Variants in UBAP2 observed in about 807,000 individuals in gnomAD.
The protein encoded by UBAP2 is ubiquitin associated protein 2.
Under a neutral mutation model 139.6 loss-of-function variants are expected in UBAP2, and 75 were observed. The ratio of observed to expected loss-of-function variants is 0.54; its 90% CI spans 0.45 to 0.65. UBAP2 has a LOEUF of 0.65. Ranked by LOEUF, UBAP2 falls within the 30% of genes least tolerant of loss-of-function variation. The pLI, the probability that UBAP2 is intolerant of heterozygous loss-of-function variation, is 0.00. For missense variants in UBAP2, 1,368 were observed against 1,369.6 expected, an observed-to-expected ratio of 1.00 and a Z score of 0.02; for synonymous variants, 526 against 526.2, an observed-to-expected ratio of 1.00 and a Z score of 0.01.
In UBAP2 at chr9:33,988,960, A is replaced by G; in HGVS notation, c.442+13T>C. The G allele has an allele frequency of 1.9e-6, 3 of 1,600,632 alleles. No individual in the cohort carries two copies. ...AAAGAAGAGAAAAAACTGAGGAGAAAGTCTGTACTTACATTCTCTGCCACG... is the reference window on the plus strand; with the variant it reads ...AAAGAAGAGAAAAAACTGAGGAGAAGGTCTGTACTTACATTCTCTGCCACG... On this transcript the variant is annotated intron_variant, in intron 5 of 28. Coordinates refer to ENST00000379238, the MANE Select transcript of UBAP2 (RefSeq NM_001370062.2).
intron 17 of UBAP2, 121 bp downstream of exon 17, chr9:33,935,718 A>G: frequency 8.4e-7 from 1 of 1,184,036 alleles, no homozygotes; most frequent in Non-Finnish European, 1.3e-6. Flanking sequence ...AAAAAGCAAA[A>G]GGGCTGCTTT....
chr9:33,970,909 T>C (rs760664542), intron 8 of UBAP2, among the ~76,000 whole-genome samples: 3 of 152,166 alleles, frequency 2.0e-5, no homozygotes, highest in Non-Finnish European at 4.4e-5. Flanking sequence ...TTCAAGCGAT[T>C]CTCCTGTCTC....
chr9:34,003,394 GAC>G (rs1822896137), intron 2 of UBAP2, among the ~76,000 whole-genome samples: 1 of 128,844 alleles, frequency 7.8e-6, no homozygotes, highest in East Asian at 2.3e-4. Flanking sequence ...TTTTTTTTGA[GAC>G]AGTCATGCTC....
At chr9:33,964,974 G>A (rs1405285103) in intron 8 of UBAP2, among the ~76,000 whole-genome samples, 2 of 152,188 alleles carry the variant, frequency 1.3e-5, no homozygotes, top group Admixed American at 6.5e-5. Flanking sequence ...GTAACTCAAT[G>A]TGGCTTTACT....
chr9:34,048,268 G>A (rs927408860), intron 1 of UBAP2, among the ~76,000 whole-genome samples: 9 of 152,202 alleles, frequency 5.9e-5, no homozygotes, highest in Admixed American at 1.3e-4. Context: ...CAGGAACGGC[G>A]GGTGTGGAGG....
intron 4 of UBAP2, among the ~76,000 whole-genome samples, chr9:33,993,862 G>C (rs1297597561): frequency 6.6e-6 from 1 of 151,398 alleles, no homozygotes; most frequent in African/African-American, 2.4e-5. Flanking sequence ...GGTAACCAAA[G>C]AGGTGTTCTT....
chr9:33,960,780 C>CAAAAAA, intron 10 of UBAP2, 46 bp downstream of exon 10: 1 of 1,313,894 alleles, frequency 7.6e-7, no homozygotes, highest in Non-Finnish European at 1.0e-6. Flanking sequence ...AATTCCATTT[C>CAAAAAA]AAAAAAAAAA....
intron 2 of UBAP2, among the ~76,000 whole-genome samples, chr9:34,015,299 A>G (rs1224068200): frequency 1.3e-5 from 2 of 152,076 alleles, no homozygotes; most frequent in Non-Finnish European, 2.9e-5. Flanking sequence ...GGAGTATTTA[A>G]CATTAAAAAT....
intron 19 of UBAP2, among the ~76,000 whole-genome samples, chr9:33,929,078 C>T (rs1823736825): frequency 6.6e-6 from 1 of 152,198 alleles, no homozygotes; most frequent in African/African-American, 2.4e-5. Flanking sequence ...CGGAGAGAGC[C>T]CCACCAGGAG....
chr9:34,033,579 C>CT (rs532610947), intron 1 of UBAP2, among the ~76,000 whole-genome samples: 28 of 146,822 alleles, frequency 1.9e-4, no homozygotes, highest in African/African-American at 3.0e-4. Flanking sequence ...TAATTGTATA[C>CT]TTTTTTTTTT....
chr9:33,940,503 G>T (rs934589282), intron 16 of UBAP2, among the ~76,000 whole-genome samples: 11 of 152,210 alleles, frequency 7.2e-5, no homozygotes, highest in African/African-American at 2.7e-4. Context: ...AGAGCCCAGT[G>T]TAGTGGCTCA....
At chr9:33,941,962 C>G in intron 15 of UBAP2, 100 bp from the exon 16 acceptor site, 1 of 792,982 alleles carries the variant, frequency 1.3e-6, no homozygotes. Context: ...ACTACTGCAT[C>G]AATTTATTAT....
At chr9:33,992,276 T>C (rs548568011) in intron 4 of UBAP2, among the ~76,000 whole-genome samples, 202 of 150,974 alleles carry the variant, frequency 1.3e-3, no homozygotes, top group Non-Finnish European at 2.6e-3. Context: ...TAATCCCAGC[T>C]ACTCGGGAGG....
At chr9:33,988,777 G>T (rs948831786) in intron 5 of UBAP2, among the ~76,000 whole-genome samples, 196 bp downstream of exon 5, 1 of 152,174 alleles carries the variant, frequency 6.6e-6, no homozygotes, top group African/African-American at 2.4e-5. Context: ...AACAAATTCT[G>T]CATTGAGGAA....
intron 2 of UBAP2, among the ~76,000 whole-genome samples, chr9:34,016,500 C>G (rs1480652247): frequency 6.6e-6 from 1 of 151,860 alleles, no homozygotes; most frequent in Non-Finnish European, 1.5e-5. Flanking sequence ...GTACCTGAAT[C>G]AAGTACAATA....
chr9:33,951,184 A>G (rs1826064786), intron 12 of UBAP2, among the ~76,000 whole-genome samples: 1 of 151,994 alleles, frequency 6.6e-6, no homozygotes, highest in South Asian at 2.1e-4. Context: ...CATGACAACC[A>G]GCTTATTTTA....
At chr9:33,926,411 G>A (rs1185074581) in intron 22 of UBAP2, among the ~76,000 whole-genome samples, 1 of 152,218 alleles carries the variant, frequency 6.6e-6, no homozygotes, top group Non-Finnish European at 1.5e-5. Context: ...ATGTTTCCCA[G>A]GGATGAGCAC....
intron 2 of UBAP2, 34 bp downstream of exon 2, chr9:34,017,016 G>GAAA: frequency 7.8e-7 from 1 of 1,281,476 alleles, no homozygotes; most frequent in Non-Finnish European, 1.0e-6. Flanking sequence ...AGAAAAAAAA[G>GAAA]GAAAAAAAAA....
rs960557061 is a variant in UBAP2, at chr9:33,923,006, C to A, written c.3032G>T (p.Gly1011Val). The A allele has an allele frequency of 6.2e-7, 1 of 1,614,174 alleles. No individual in the cohort carries two copies. The highest frequency in any genetic ancestry group is 8.5e-7 in the Non-Finnish European group (1 of 1,180,024). Residue 1011 changes from glycine (G) to valine (V), a missense_variant, in exon 27 of 29, where the codon GGT (glycine) becomes GTT (valine). Physicochemically the swap from Gly to Val is moderately radical, Grantham distance 109. Transcript: ENST00000379238. ...GACAGAACCAGTCATATCAGGTAGACCAGTGGTGCTTGAAGACACTGATAC... is the reference window on the plus strand; with the variant it reads ...GACAGAACCAGTCATATCAGGTAGAACAGTGGTGCTTGAAGACACTGATAC... ...KGVSVSSSTT[G>V]LPDMTGSVYN...
Sources: gnomAD v4.1 joint callset for allele counts (sites outside exome capture counted in the v4.1 genomes callset) on GRCh38, gnomAD v4.1.1 for gene constraint, MANE v1.5 for transcripts, NCBI Gene and HGNC (gene_info 2026-07-23, HGNC 2026-07-21) for gene names.